The following WDR25 variants were observed in gnomAD, a reference collection of about 807,000 sequenced individuals.
The protein encoded by WDR25 is WD repeat domain 25, also known as WD repeat-containing protein 25.
Under a neutral mutation model 47.7 loss-of-function variants are expected in WDR25, and 35 were observed. That is an observed-to-expected ratio of 0.73 (90% confidence interval 0.56 to 0.97). The LOEUF (loss-of-function observed/expected upper bound fraction) is 0.97. WDR25 is among the 50% of genes least tolerant of loss of function. The pLI is 0.00. For synonymous variants in WDR25, 248 were observed against 278.9 expected, an observed-to-expected ratio of 0.89 and a Z score of 1.10; for missense variants, 634 against 704.7, an observed-to-expected ratio of 0.90 and a Z score of 1.14.
At chr14:100,384,739 A>G (rs1324264479) in intron 2 of WDR25, among the ~76,000 whole-genome samples, 1 of 152,092 alleles carries the variant, frequency 6.6e-6, no homozygotes. Flanking sequence ...AGGCGGGTGC[A>G]GCAGTACACC....
At chr14:100,458,406 AT>A (rs1489610917) in intron 2 of WDR25, among the ~76,000 whole-genome samples, 1 of 152,190 alleles carries the variant, frequency 6.6e-6, no homozygotes, top group Non-Finnish European at 1.5e-5. Context: ...TCTAAAATAC[AT>A]GAAGCAATAC....
chr14:100,508,612 G>A (rs918123908), intron 4 of WDR25, among the ~76,000 whole-genome samples: 2 of 152,064 alleles, frequency 1.3e-5, no homozygotes, highest in African/African-American at 2.4e-5. Flanking sequence ...TTTTCTTGCT[G>A]TATTACAATG....
At chr14:100,469,030 C>T (rs928632076) in intron 3 of WDR25, among the ~76,000 whole-genome samples, 27 of 152,172 alleles carry the variant, frequency 1.8e-4, no homozygotes, top group Admixed American at 7.2e-4. Context: ...CCCCAGAGCT[C>T]CTCGGTCTCA....
intron 2 of WDR25, among the ~76,000 whole-genome samples, chr14:100,420,852 C>T (rs926252036): frequency 6.6e-5 from 10 of 152,084 alleles, no homozygotes; most frequent in African/African-American, 2.2e-4. Context: ...AGGGCTGGAC[C>T]CAGGTGAAGC....
intron 2 of WDR25, among the ~76,000 whole-genome samples, chr14:100,456,947 GTTTCTTTTCT>G (rs201177372): frequency 1.3e-5 from 2 of 152,138 alleles, no homozygotes; most frequent in East Asian, 1.9e-4. Context: ...TTATAATGAA[GTTTCTTTTCT>G]TTTCTTTTCT....
At chr14:100,454,151 T>C (rs1899126489) in intron 2 of WDR25, among the ~76,000 whole-genome samples, 1 of 152,142 alleles carries the variant, frequency 6.6e-6, no homozygotes, top group Non-Finnish European at 1.5e-5. Context: ...GCAAATGAAA[T>C]TGGCTCAAAC....
chr14:100,380,388 G>C (rs1393429106), intron 1 of WDR25, among the ~76,000 whole-genome samples: 3 of 152,052 alleles, frequency 2.0e-5, no homozygotes, highest in African/African-American at 7.2e-5. Context: ...ATTTTTTACA[G>C]ATTTACCCCC....
chr14:100,412,598 A>G (rs539093301), intron 2 of WDR25, among the ~76,000 whole-genome samples: 115 of 152,190 alleles, frequency 7.6e-4, no homozygotes, highest in Non-Finnish European at 1.4e-3. Context: ...CAACGTCTCT[A>G]CATGTATATG....
chr14:100,395,273 T>C (rs983316637), intron 2 of WDR25, among the ~76,000 whole-genome samples: 1 of 152,158 alleles, frequency 6.6e-6, no homozygotes, highest in Non-Finnish European at 1.5e-5. Context: ...TGGCTTAGGG[T>C]AAGTTACTTA....
chr14:100,409,671 T>C (rs1237448487), intron 2 of WDR25, among the ~76,000 whole-genome samples: 2 of 152,170 alleles, frequency 1.3e-5, no homozygotes, highest in Non-Finnish European at 1.5e-5. Flanking sequence ...CTACAGGAAA[T>C]TGGAACAGGG....
intron 2 of WDR25, among the ~76,000 whole-genome samples, chr14:100,426,444 C>T (rs755251814): frequency 2.0e-5 from 3 of 152,222 alleles, no homozygotes; most frequent in Non-Finnish European, 2.9e-5. Flanking sequence ...CATGAATCTT[C>T]GACAATGGCA....
At chr14:100,494,499 G>T (rs1443324826) in intron 4 of WDR25, among the ~76,000 whole-genome samples, 1 of 152,202 alleles carries the variant, frequency 6.6e-6, no homozygotes, top group African/African-American at 2.4e-5. Context: ...TTTCTTGCTA[G>T]CCAGACAAGA....
In WDR25 at chr14:100,428,764, G is replaced by C. The variant is rs766125183; in HGVS notation, c.823-39257G>C. The stretch of plus-strand genomic sequence containing the variant: ...CTTCTTTCAAAAGTGCTGTACCTTC[G>C]CTTTTATTCTACTTTGAATGTAATT... On this transcript the variant is annotated intron_variant, in intron 2 of 6. Transcript: ENST00000402312. The surrounding 1 kb of genome is among the most constrained non-coding windows in gnomAD (Gnocchi z 4.3). Among the ~76,000 whole-genome samples, 31 of 152,116 alleles carry C rather than the reference G, an allele frequency of 2.0e-4. No homozygotes were observed. Among genetic ancestry groups the C allele is most frequent in the Admixed American group, 5.9e-4 (9 of 15,272 alleles).
At chr14:100,517,455 T>C (rs185313871) in intron 4 of WDR25, among the ~76,000 whole-genome samples, 1 of 152,308 alleles carries the variant, frequency 6.6e-6, no homozygotes, top group South Asian at 2.1e-4. Flanking sequence ...CTTTGTATTA[T>C]ACCTTTAAAT....
At chr14:100,382,696 C>T (rs900611577) in intron 2 of WDR25, among the ~76,000 whole-genome samples, 5 of 152,168 alleles carry the variant, frequency 3.3e-5, no homozygotes, top group African/African-American at 1.2e-4. Flanking sequence ...AGCAAAGCAC[C>T]TGATATGTAG....
At chr14:100,402,556 T>C (rs1465976440) in intron 2 of WDR25, among the ~76,000 whole-genome samples, 1 of 152,190 alleles carries the variant, frequency 6.6e-6, no homozygotes. Flanking sequence ...TCTGTCATTT[T>C]CCAGCTGAGC....
At chr14:100,444,838 G>A (rs916777649) in intron 2 of WDR25, among the ~76,000 whole-genome samples, 15 of 152,224 alleles carry the variant, frequency 9.9e-5, no homozygotes, top group African/African-American at 2.2e-4. Context: ...AGGGACAGGA[G>A]AAGAACCAAA....
intron 2 of WDR25, among the ~76,000 whole-genome samples, chr14:100,437,356 G>T (rs1455180353): frequency 6.6e-6 from 1 of 152,172 alleles, no homozygotes; most frequent in Non-Finnish European, 1.5e-5. Flanking sequence ...TGAGATTCCA[G>T]TCTGAGCCCG....
At chr14:100,415,458 C>T (rs540638086) in intron 2 of WDR25, among the ~76,000 whole-genome samples, 2 of 152,300 alleles carry the variant, frequency 1.3e-5, no homozygotes, top group East Asian at 3.9e-4. Flanking sequence ...AAGCCACGAA[C>T]AGCTGATTTG....
Sources: allele counts gnomAD v4.1 joint callset (sites outside exome capture counted in the v4.1 genomes callset), GRCh38; gene constraint gnomAD v4.1.1; non-coding constraint Gnocchi (gnomAD v3.1); transcripts MANE v1.5; gene names NCBI Gene and HGNC (gene_info 2026-07-23, HGNC 2026-07-21).